Variants in CPNE5 observed in about 807,000 individuals in gnomAD.
CPNE5 encodes the protein copine-5.
Under a neutral mutation model 81.1 loss-of-function variants are expected in CPNE5, and 42 were observed. The observed-to-expected ratio is 0.52, with a 90% confidence interval of 0.40 to 0.67. The LOEUF (loss-of-function observed/expected upper bound fraction) is 0.67. CPNE5 is among the 30% of genes least tolerant of loss of function. The pLI is 0.00. For synonymous variants in CPNE5, 313 were observed against 321.5 expected, an observed-to-expected ratio of 0.97 and a Z score of 0.28; for missense variants, 612 against 815.5, an observed-to-expected ratio of 0.75 and a Z score of 3.04.
intron 12 of CPNE5, among the ~76,000 whole-genome samples, chr6:36,759,435 T>C (rs236440): frequency 0.12 from 17,598 of 150,548 alleles, 1,816 homozygotes; most frequent in African/African-American, 0.27. Flanking sequence ...GTCTGGAATC[T>C]GCCCTCCTGC....
chr6:36,763,132 T>C (rs1766216606), intron 11 of CPNE5, 140 bp from the exon 12 acceptor site: 1 of 723,136 alleles, frequency 1.4e-6, no homozygotes, highest in Admixed American at 2.1e-5. Flanking sequence ...GCAGACAGGC[T>C]GGGTCCGTGG....
At chr6:36,798,416 A>G (rs926903297) in intron 5 of CPNE5, 39 bp downstream of exon 5, 4 of 1,605,876 alleles carry the variant, frequency 2.5e-6, no homozygotes, top group Admixed American at 1.7e-5. Flanking sequence ...GGCATTTCAG[A>G]AACTATGGAA....
chr6:36,807,845 G>A (rs1337105311), intron 3 of CPNE5, among the ~76,000 whole-genome samples: 3 of 152,086 alleles, frequency 2.0e-5, no homozygotes, highest in African/African-American at 7.2e-5. Context: ...AGTACCCCAG[G>A]CCTCAGTTGA....
rs1362688115 is a variant in CPNE5, at chr6:36,746,613, G to A, written c.1019-36C>T. ...GGACATGGGAGCCTTTGACCATCTG[G>A]ACCCTCCAAGTCACCCCGGGTTCAG... On this transcript the variant is annotated intron_variant, in intron 15 of 20. Coordinates refer to ENST00000244751, the MANE Select transcript of CPNE5 (RefSeq NM_020939.2). The surrounding 1 kb of genome is among the most constrained non-coding windows in gnomAD (Gnocchi z 4.5). 1 of 1,579,852 alleles carries A rather than the reference G, an allele frequency of 6.3e-7. No homozygotes were observed. The highest frequency in any genetic ancestry group is 1.4e-5 in the African/African-American group (1 of 72,692).
At chr6:36,821,017 T>G (rs1771999728) in intron 3 of CPNE5, among the ~76,000 whole-genome samples, 1 of 151,440 alleles carries the variant, frequency 6.6e-6, no homozygotes, top group African/African-American at 2.4e-5. Flanking sequence ...AAAAACCAGT[T>G]AAGGGGAATA....
intron 14 of CPNE5, among the ~76,000 whole-genome samples, chr6:36,751,237 G>A (rs1370688571): frequency 2.6e-5 from 4 of 152,346 alleles, no homozygotes; most frequent in South Asian, 2.1e-4. Context: ...GCCTCTGAGG[G>A]CTCCTTTTCG....
At chr6:36,774,755 G>GAA (rs1371879710) in intron 10 of CPNE5, among the ~76,000 whole-genome samples, 1 of 80,928 alleles carries the variant, frequency 1.2e-5, no homozygotes. Context: ...CTGTGAAGAG[G>GAA]CAGACATTGC....
intron 7 of CPNE5, chr6:36,792,353 C>G: frequency 6.6e-7 from 1 of 1,512,674 alleles, no homozygotes; most frequent in Non-Finnish European, 8.8e-7. Flanking sequence ...AAGGGTAGTG[C>G]CTGCAGTGAA....
intron 13 of CPNE5, 115 bp downstream of exon 13, chr6:36,756,130 G>A: frequency 1.8e-6 from 1 of 549,830 alleles, no homozygotes; most frequent in Admixed American, 2.9e-5. Context: ...TTGGATGTCT[G>A]ATTCCCACGC....
At chr6:36,781,295 C>T (rs16889125) in intron 8 of CPNE5, among the ~76,000 whole-genome samples, 18,689 of 152,104 alleles carry the variant, frequency 0.12, 1,252 homozygotes, top group East Asian at 0.23. Context: ...CCAGAGAAAT[C>T]TAGGACCTCA....
At chr6:36,784,296 G>C (rs970545680) in intron 8 of CPNE5, among the ~76,000 whole-genome samples, 2 of 152,194 alleles carry the variant, frequency 1.3e-5, no homozygotes, top group Non-Finnish European at 2.9e-5. Flanking sequence ...ACTCCGTGGG[G>C]GATAAAACAG....
Position 36,742,302 on chromosome 6 carries a change from G to A in CPNE5, c.1748C>T (p.Thr583Met), listed in dbSNP as rs1007644935. 15 of 1,604,536 alleles carry A rather than the reference G, an allele frequency of 9.3e-6. No homozygotes were observed. The highest frequency in any genetic ancestry group is 5.5e-5 in the South Asian group (5 of 90,764). The stretch of plus-strand genomic sequence containing the variant: ...CGTGTGCAGGGGGGACGCAGGGGGC[G>A]TGCGGGCTGGGGACTGCGAGGGCGA... Reference protein sequence around the residue: ...THSPSQSPARTPPASPLHTHI With the variant: ...THSPSQSPARMPPASPLHTHI Residue 583 changes from threonine to methionine, a missense_variant, in exon 21 of 21, where the codon ACG (threonine) becomes ATG (methionine). Thr to Met is a moderately conservative substitution (Grantham distance 81, BLOSUM62 -1). Transcript: ENST00000244751.
intron 3 of CPNE5, among the ~76,000 whole-genome samples, chr6:36,804,723 T>A (rs941806953): frequency 2.1e-5 from 3 of 140,252 alleles, no homozygotes; most frequent in African/African-American, 7.9e-5. Flanking sequence ...ACAAGGCTGC[T>A]TTTAAAATGG....
chr6:36,805,422 G>A (rs948830389), intron 3 of CPNE5, among the ~76,000 whole-genome samples: 19 of 152,260 alleles, frequency 1.2e-4, no homozygotes, highest in Non-Finnish European at 2.5e-4. Flanking sequence ...AGGATACTGG[G>A]AGTGGGGGAT....
chr6:36,811,065 T>C, intron 3 of CPNE5, among the ~76,000 whole-genome samples: 1 of 152,200 alleles, frequency 6.6e-6, no homozygotes, highest in East Asian at 1.9e-4. Context: ...ATCTGTTCAA[T>C]CATCCCAGCT....
intron 12 of CPNE5, among the ~76,000 whole-genome samples, chr6:36,756,514 G>T (rs1765484656): frequency 6.6e-6 from 1 of 152,038 alleles, no homozygotes; most frequent in South Asian, 2.1e-4. Context: ...TCAGACCCAG[G>T]GTCCCACGAT....
chr6:36,756,146 CCCTG>C, intron 13 of CPNE5, 95 bp downstream of exon 13: 1 of 905,862 alleles, frequency 1.1e-6, no homozygotes, highest in Non-Finnish European at 1.8e-6. Flanking sequence ...CACGCTCAGC[CCCTG>C]CACACACACA....
chr6:36,762,327 C>T (rs528032414), intron 12 of CPNE5, among the ~76,000 whole-genome samples: 2 of 151,028 alleles, frequency 1.3e-5, no homozygotes, highest in African/African-American at 2.4e-5. Flanking sequence ...CACACGCATG[C>T]GCACACACGC....
At chr6:36,829,239 T>C (rs1261242863) in intron 1 of CPNE5, among the ~76,000 whole-genome samples, 3 of 152,166 alleles carry the variant, frequency 2.0e-5, no homozygotes, top group East Asian at 3.9e-4. Context: ...CTCATGCCTA[T>C]AATCCCAACA....
Sources: allele counts gnomAD v4.1 joint callset (sites outside exome capture counted in the v4.1 genomes callset), GRCh38; gene constraint gnomAD v4.1.1; non-coding constraint Gnocchi (gnomAD v3.1); transcripts MANE v1.5; gene names NCBI Gene and HGNC (gene_info 2026-07-23, HGNC 2026-07-21).